TMEM272: variants seen among roughly 807,000 people sequenced by gnomAD.
TMEM272 encodes the protein transmembrane protein 272.
Under a neutral mutation model 3.7 loss-of-function variants are expected in TMEM272, and 8 were observed. That is an observed-to-expected ratio of 2.17 (90% CI 1.27 to 3.91). The LOEUF (loss-of-function observed/expected upper bound fraction) is 3.91, where lower values mean the gene tolerates loss of function less well. Among genes scored for constraint, TMEM272 ranks in the 30% most tolerant of loss-of-function variants. The pLI, the probability that TMEM272 is intolerant of heterozygous loss-of-function variation, is 0.00. For missense variants in TMEM272, 166 were observed against 91.5 expected (o/e 1.81, Z -3.32); for synonymous variants, 63 against 39.8 (o/e 1.58, Z -2.20).
intron 2 of TMEM272, among the ~76,000 whole-genome samples, chr13:51,832,171 C>A (rs1469552982): frequency 6.6e-6 from 1 of 152,170 alleles, no homozygotes; most frequent in Non-Finnish European, 1.5e-5. Context: ...GGGTGGGCTG[C>A]TCTCACGACT....
the TMEM272 span, among the ~76,000 whole-genome samples, chr13:51,895,225 A>G: frequency 1.3e-5 from 2 of 152,254 alleles, no homozygotes; most frequent in Non-Finnish European, 1.5e-5. Context: ...GGAAAAAGGA[A>G]CTTGGGTCAG....
chr13:51,929,769 C>T, the TMEM272 span, among the ~76,000 whole-genome samples: 19 of 152,248 alleles, frequency 1.2e-4, no homozygotes, highest in Non-Finnish European at 2.4e-4. Flanking sequence ...GGCTTCATCC[C>T]GTCTGTGGAA....
chr13:51,889,626 G>T, the TMEM272 span, among the ~76,000 whole-genome samples: 1,063 of 148,048 alleles, frequency 7.2e-3, 16 homozygotes, highest in African/African-American at 0.025. Flanking sequence ...TTGTTTTTTT[G>T]TGTGTGTGTG....
chr13:51,851,960 C>T, the TMEM272 span, among the ~76,000 whole-genome samples: 110,183 of 152,196 alleles, frequency 0.72, 40,966 homozygotes, highest in Non-Finnish European at 0.81. Context: ...GAATAACCTA[C>T]ACAAGTATCT....
the TMEM272 span, among the ~76,000 whole-genome samples, chr13:51,926,477 G>A: frequency 2.0e-5 from 3 of 152,148 alleles, no homozygotes; most frequent in Non-Finnish European, 2.9e-5. Context: ...CGAGGTGAGG[G>A]CGTAATCAGA....
the TMEM272 span, chr13:51,865,547 AT>A: frequency 6.2e-7 from 1 of 1,614,112 alleles, no homozygotes; most frequent in Non-Finnish European, 8.5e-7. Context: ...AGAGATGAAA[AT>A]TTTTCGTGAA....
At chr13:51,847,792 A>G (rs1163850926), upstream of TMEM272, among the ~76,000 whole-genome samples, 3 of 152,186 alleles carry the variant, frequency 2.0e-5, no homozygotes, top group African/African-American at 7.2e-5. Context: ...TTTTTTGAGC[A>G]CATTTTAGCC....
At position 51,827,070 on chromosome 13, in the gene TMEM272, A is replaced by G. The variant is rs150604732; in HGVS notation, c.59-445T>C. ...TCACTGACAACTCACTTTATCACTG[A>G]AAGTATTTGCTTCACAAAATCTTCT... On this transcript the variant is annotated intron_variant, in intron 2 of 4. Coordinates refer to ENST00000629372, the MANE Select transcript of TMEM272 (RefSeq NM_001351003.2). Among the ~76,000 whole-genome samples, 1,447 of 152,306 alleles carry G rather than the reference A, an allele frequency of 9.5e-3. 25 individuals are homozygous for G. The highest frequency in any genetic ancestry group is 0.034 in the African/African-American group (1,399 of 41,572).
chr13:51,836,885 GAAGA>G (rs1279081872), intron 2 of TMEM272, among the ~76,000 whole-genome samples: 1 of 152,210 alleles, frequency 6.6e-6, no homozygotes, highest in Non-Finnish European at 1.5e-5. Flanking sequence ...GAGAAGGGAA[GAAGA>G]AAGAGTGATT....
At chr13:51,837,833 C>A (rs1028379425) in intron 2 of TMEM272, among the ~76,000 whole-genome samples, 2 of 152,256 alleles carry the variant, frequency 1.3e-5, no homozygotes, top group Admixed American at 1.3e-4. Flanking sequence ...TACCCACTGA[C>A]TGCAGCTTCC....
intron 2 of TMEM272, among the ~76,000 whole-genome samples, chr13:51,833,889 T>C (rs1325640111): frequency 6.6e-6 from 1 of 151,494 alleles, no homozygotes; most frequent in Non-Finnish European, 1.5e-5. Context: ...TTCTATGGGA[T>C]TGTCCCAATA....
chr13:51,929,387 G>A, the TMEM272 span, among the ~76,000 whole-genome samples: 3 of 152,104 alleles, frequency 2.0e-5, no homozygotes. Context: ...CCAGTGGCAG[G>A]GCTAACCTCC....
At chr13:51,906,189 CTT>C in the TMEM272 span, among the ~76,000 whole-genome samples, 1 of 152,200 alleles carries the variant, frequency 6.6e-6, no homozygotes, top group Non-Finnish European at 1.5e-5. Flanking sequence ...CAAAGGTTAA[CTT>C]AGCCCGCTAA....
At chr13:51,892,076 G>A in the TMEM272 span, among the ~76,000 whole-genome samples, 1 of 152,132 alleles carries the variant, frequency 6.6e-6, no homozygotes, top group Non-Finnish European at 1.5e-5. Context: ...TGGAAGAGGT[G>A]GGGAAACAGG....
chr13:51,837,296 G>A (rs1371979639), intron 2 of TMEM272, among the ~76,000 whole-genome samples: 1 of 152,198 alleles, frequency 6.6e-6, no homozygotes, highest in African/African-American at 2.4e-5. Context: ...TGGGGGAGGT[G>A]GTGGTAACTA....
chr13:51,858,632 T>G, the TMEM272 span, among the ~76,000 whole-genome samples: 1 of 152,326 alleles, frequency 6.6e-6, no homozygotes, highest in South Asian at 2.1e-4. Flanking sequence ...GACTTTCTCC[T>G]TAGCTCAGCT....
At chr13:51,851,397 G>GGAAGAAGAAGAACAAGAA in the TMEM272 span, among the ~76,000 whole-genome samples, 15 of 141,546 alleles carry the variant, frequency 1.1e-4, no homozygotes, top group Non-Finnish European at 2.1e-4. Flanking sequence ...AGGAGGAGGA[G>GGAAGAAGAAGAACAAGAA]GAAGAAGAAG....
the TMEM272 span, among the ~76,000 whole-genome samples, chr13:51,902,048 C>A: frequency 6.6e-6 from 1 of 152,206 alleles, no homozygotes; most frequent in South Asian, 2.1e-4. Flanking sequence ...AATAAAAAAA[C>A]TGAAAAGAAT....
At chr13:51,889,754 G>A in the TMEM272 span, among the ~76,000 whole-genome samples, 3 of 152,050 alleles carry the variant, frequency 2.0e-5, no homozygotes, top group Non-Finnish European at 2.9e-5. Flanking sequence ...TGATTCTCCC[G>A]CCTCAGCCAC....
Sources: gnomAD v4.1 joint callset for allele counts (sites outside exome capture counted in the v4.1 genomes callset) on GRCh38, gnomAD v4.1.1 for gene constraint, MANE v1.5 for transcripts, NCBI Gene and HGNC (gene_info 2026-07-23, HGNC 2026-07-21) for gene names.